PCDHGA1: variants seen among roughly 807,000 people sequenced by gnomAD.
PCDHGA1 encodes the protein protocadherin gamma subfamily A, 1.
PCDHGA1 carries 32 observed loss-of-function variants against 58.0 expected under a neutral mutation model. The ratio of observed to expected loss-of-function variants is 0.55; its 90% CI spans 0.42 to 0.74. PCDHGA1 has a LOEUF of 0.74. Ranked by LOEUF, PCDHGA1 falls within the 30% of genes least tolerant of loss-of-function variation. The probability of loss-of-function intolerance (pLI) is 0.00; values close to 1 mark genes in which losing one functional copy is unlikely to be tolerated. For synonymous variants in PCDHGA1, 498 were observed against 501.1 expected (o/e 0.99, Z 0.08); for missense variants, 1,205 against 1,182.3 (o/e 1.02, Z -0.28).
chr5:141,393,136 C>A (rs1188231861), intron 1 of PCDHGA1: 3 of 1,613,306 alleles, frequency 1.9e-6, no homozygotes, highest in Admixed American at 1.7e-5. Flanking sequence ...AATATTAACA[C>A]CCTGGTTGAG....
chr5:141,373,195 T>C (rs1018941457), intron 1 of PCDHGA1, among the ~76,000 whole-genome samples: 1 of 152,262 alleles, frequency 6.6e-6, no homozygotes, highest in African/African-American at 2.4e-5. Context: ...ACATTATGTA[T>C]ATCTTAACAC....
intron 1 of PCDHGA1, chr5:141,408,349 C>T: frequency 6.2e-7 from 1 of 1,613,924 alleles, no homozygotes; most frequent in Non-Finnish European, 8.5e-7. Context: ...TGGTGGGGAA[C>T]CTCGCTAAGG....
At chr5:141,385,391 A>G (rs1781168651) in intron 1 of PCDHGA1, 1 of 1,505,360 alleles carries the variant, frequency 6.6e-7, no homozygotes, top group Non-Finnish European at 8.9e-7. Context: ...TTATTTTGCA[A>G]AACAAATGTT....
At chr5:141,419,570 G>T in intron 1 of PCDHGA1, 1 of 1,611,766 alleles carries the variant, frequency 6.2e-7, no homozygotes. Context: ...GGGTCCCGAC[G>T]GCTCCGCGCT....
At chr5:141,338,219 C>T (rs1013421524) in intron 1 of PCDHGA1, among the ~76,000 whole-genome samples, 9 of 152,164 alleles carry the variant, frequency 5.9e-5, no homozygotes, top group South Asian at 2.1e-4. Flanking sequence ...ACGCTTGAGA[C>T]CAGGGCCTGT....
chr5:141,418,045 G>C (rs754041387), intron 1 of PCDHGA1: 2 of 1,614,002 alleles, frequency 1.2e-6, no homozygotes, highest in Admixed American at 1.7e-5. Context: ...TGGATGTGTC[G>C]GCTCGCGAGC....
In PCDHGA1 at chr5:141,489,948, T is replaced by C; in HGVS notation, c.2422-4859T>C. 2 of 1,614,210 alleles carry C rather than the reference T, an allele frequency of 1.2e-6. No individual in the cohort carries two copies. Among genetic ancestry groups the C allele is most frequent in the Non-Finnish European group, 1.7e-6 (2 of 1,180,030 alleles). On this transcript the variant is annotated intron_variant, in intron 1 of 3. Coordinates refer to ENST00000517417, the MANE Select transcript of PCDHGA1 (RefSeq NM_018912.3). The surrounding 1 kb of genome is among the most constrained non-coding windows in gnomAD (Gnocchi z 4.5). ...TCTCTGTCATCGTGCTGGACATCAA[T>C]GATAATGCTCCAACCTTCCAATCCT...
Position 141,331,733 on chromosome 5 carries a change from C to A in PCDHGA1, c.1049C>A (p.Thr350Asn). 6.2e-7 allele frequency: 1 copy of A among 1,614,116 alleles called. No homozygotes were observed. Among genetic ancestry groups the A allele is most frequent in the Non-Finnish European group, 8.5e-7 (1 of 1,180,028 alleles). ...VNDNAPEVTI[T>N]SVTTAVPENF... ...GATAATGCCCCAGAAGTGACCATCACCTCTGTCACCACTGCAGTTCCAGAA... is the reference window on the plus strand; with the variant it reads ...GATAATGCCCCAGAAGTGACCATCAACTCTGTCACCACTGCAGTTCCAGAA... The change falls in exon 1 of 4, where the codon ACC becomes AAC. Residue 350 changes from threonine to asparagine, a missense_variant. Physicochemically the swap from Thr to Asn is moderately conservative, Grantham distance 65. Transcript: ENST00000517417.
chr5:141,478,783 T>G (rs1435790850), intron 1 of PCDHGA1: 2 of 1,483,968 alleles, frequency 1.3e-6, no homozygotes, highest in Admixed American at 4.6e-5. Flanking sequence ...TGGACCTAAT[T>G]CACATCCTCA....
chr5:141,452,172 T>G (rs1338447268), intron 1 of PCDHGA1, among the ~76,000 whole-genome samples: 1 of 152,206 alleles, frequency 6.6e-6, no homozygotes, highest in Non-Finnish European at 1.5e-5. Flanking sequence ...TTACTAACAT[T>G]TTTTATTTTG....
chr5:141,466,754 C>G (rs1045917268), intron 1 of PCDHGA1, among the ~76,000 whole-genome samples: 2 of 152,138 alleles, frequency 1.3e-5, no homozygotes, highest in South Asian at 2.1e-4. Context: ...GATAGGGGCT[C>G]TTTTCAAACT....
chr5:141,480,414 CA>C (rs10712552), intron 1 of PCDHGA1, among the ~76,000 whole-genome samples: 43,347 of 147,074 alleles, frequency 0.29, 6,620 homozygotes, highest in African/African-American at 0.4. Flanking sequence ...GACCCTGTCT[CA>C]AAAAAAAAAA....
intron 1 of PCDHGA1, chr5:141,389,586 G>T: frequency 6.2e-7 from 1 of 1,613,166 alleles, no homozygotes; most frequent in Non-Finnish European, 8.5e-7. Context: ...GCTGGGTCCC[G>T]ACGGCTCTGC....
rs762476625 is a variant in PCDHGA1 at position 141,420,218 on chromosome 5, C to A, written c.2422-74589C>A. On this transcript the variant is annotated intron_variant, in intron 1 of 3. Coordinates refer to ENST00000517417, the MANE Select transcript of PCDHGA1 (RefSeq NM_018912.3). The stretch of plus-strand genomic sequence containing the variant: ...AGATAACCTCAACAAAGATAGCATG[C>A]TACTGGCTAGCATTTTAACTCCCAG... 4 of 1,608,408 alleles carry A rather than the reference C, an allele frequency of 2.5e-6. No individual in the cohort carries two copies. In the South Asian group the frequency reaches 4.4e-5, roughly 18 times the overall value.
chr5:141,433,079 A>C, intron 1 of PCDHGA1: 1 of 1,614,208 alleles, frequency 6.2e-7, no homozygotes, highest in South Asian at 1.1e-5. Flanking sequence ...CCCCCAGCCC[A>C]ACTATGCAGA....
chr5:141,398,222 A>C, intron 1 of PCDHGA1: 2 of 1,483,320 alleles, frequency 1.3e-6, no homozygotes, highest in Non-Finnish European at 1.8e-6. Flanking sequence ...CTCTGTGAGC[A>C]GATCCGCTAC....
chr5:141,467,233 A>G (rs1009794220), intron 1 of PCDHGA1, among the ~76,000 whole-genome samples: 1 of 151,564 alleles, frequency 6.6e-6, no homozygotes, highest in South Asian at 2.1e-4. Flanking sequence ...TTGTATTTTT[A>G]GTAGAGATGG....
At chr5:141,501,355 A>G (rs936121172) in intron 2 of PCDHGA1, among the ~76,000 whole-genome samples, 4 of 151,760 alleles carry the variant, frequency 2.6e-5, no homozygotes, top group African/African-American at 9.7e-5. Flanking sequence ...ATAGGGCAAG[A>G]ACCATATTCA....
chr5:141,361,168 C>T, intron 1 of PCDHGA1: 2 of 1,613,906 alleles, frequency 1.2e-6, no homozygotes, highest in Non-Finnish European at 1.7e-6. Context: ...CGATTGTGCA[C>T]CTGAAGTTAT....
Sources: allele counts gnomAD v4.1 joint callset (sites outside exome capture counted in the v4.1 genomes callset), GRCh38; gene constraint gnomAD v4.1.1; non-coding constraint Gnocchi (gnomAD v3.1); transcripts MANE v1.5; gene names NCBI Gene and HGNC (gene_info 2026-07-23, HGNC 2026-07-21).